The following TTC33 variants were observed in gnomAD, a reference collection of about 807,000 sequenced individuals.
TTC33 encodes the protein tetratricopeptide repeat protein 33.
Under a neutral mutation model 29.4 loss-of-function variants are expected in TTC33, and 24 were observed. The ratio of observed to expected loss-of-function variants is 0.82; its 90% confidence interval spans 0.59 to 1.15. The LOEUF is 1.15. Among genes scored for constraint, TTC33 ranks in the 50% most tolerant of loss-of-function variants. TTC33 has a pLI of 0.00. For synonymous variants in TTC33, 107 were observed against 100.3 expected (o/e 1.07, Z -0.40); for missense variants, 286 against 310.4 (o/e 0.92, Z 0.59).
chr5:40,715,979 C>T lies in TTC33; in HGVS notation c.*166G>A, dbSNP rs1318124611. 1.9e-6 allele frequency: 1 copy of T among 532,884 alleles called. No individual in the cohort carries two copies. The allele number at this position is 532,884 out of a possible 1,614,324, so 33.0% of individuals were successfully genotyped here. A position where few individuals can be genotyped will look rare whatever the true frequency, so the allele number is the denominator to read the frequency against. ...AATCATAACTTATCAAAGCATATTC[C>T]AAACACTATACAATAATCCTGCCAT... On this transcript the variant is annotated 3_prime_UTR_variant, in exon 5 of 5. Coordinates refer to ENST00000337702, the MANE Select transcript of TTC33 (RefSeq NM_012382.3).
At chr5:40,735,724 T>G (rs1333370614) in intron 2 of TTC33, among the ~76,000 whole-genome samples, 1 of 152,112 alleles carries the variant, frequency 6.6e-6, no homozygotes, top group Admixed American at 6.5e-5. Flanking sequence ...AGGACAAGCA[T>G]GATAGCATGG....
chr5:40,731,632 A>G (rs1037981208), intron 2 of TTC33, among the ~76,000 whole-genome samples: 4 of 152,222 alleles, frequency 2.6e-5, no homozygotes, highest in Non-Finnish European at 5.9e-5. Flanking sequence ...TGAGACCAGC[A>G]TGGCAGAAAC....
intron 1 of TTC33, among the ~76,000 whole-genome samples, chr5:40,752,376 A>G (rs1221161815): frequency 6.6e-6 from 1 of 152,238 alleles, no homozygotes; most frequent in Non-Finnish European, 1.5e-5. Flanking sequence ...TGTTTGGTGC[A>G]AGAGGCCTAG....
At chr5:40,730,238 A>G (rs1398066637) in intron 3 of TTC33, 24 bp downstream of exon 3, 6 of 1,558,222 alleles carry the variant, frequency 3.9e-6, no homozygotes, top group Non-Finnish European at 5.3e-6. Context: ...TCATAAGGAA[A>G]GTGAAATTCT....
intron 2 of TTC33, among the ~76,000 whole-genome samples, chr5:40,734,314 T>TGAACAGAC (rs57067284): frequency 0.3 from 45,277 of 152,038 alleles, 7,000 homozygotes; most frequent in East Asian, 0.56. Flanking sequence ...CAACTTCAGT[T>TGAACAGAC]TGGAACAGAC....
chr5:40,745,885 C>G (rs964614811), intron 2 of TTC33, among the ~76,000 whole-genome samples: 9 of 151,984 alleles, frequency 5.9e-5, no homozygotes, highest in Non-Finnish European at 8.8e-5. Flanking sequence ...CTAGTATAAG[C>G]CACTGCACCC....
At chr5:40,747,062 CTT>C (rs759166294) in intron 1 of TTC33, 43 bp from the exon 2 acceptor site, 1,894 of 1,234,046 alleles carry the variant, frequency 1.5e-3, no homozygotes, top group Admixed American at 1.8e-3. Context: ...CTAACTTGAT[CTT>C]TTTTTTTTTT....
intron 2 of TTC33, among the ~76,000 whole-genome samples, chr5:40,739,383 G>A (rs1431815694): frequency 2.6e-5 from 4 of 152,160 alleles, no homozygotes; most frequent in Admixed American, 1.3e-4. Context: ...TCCAATCTAT[G>A]AGCATTGATA....
intron 1 of TTC33, among the ~76,000 whole-genome samples, chr5:40,749,179 T>C (rs1467268582): frequency 2.6e-5 from 4 of 152,172 alleles, no homozygotes; most frequent in Non-Finnish European, 5.9e-5. Flanking sequence ...AAAGAGAGGA[T>C]AAATGATAAA....
chr5:40,720,832 C>T (rs902636489), intron 4 of TTC33, among the ~76,000 whole-genome samples: 6 of 152,312 alleles, frequency 3.9e-5, no homozygotes, highest in East Asian at 1.9e-4. Flanking sequence ...GGGAAGAACC[C>T]TGCAGCTCCA....
intron 2 of TTC33, among the ~76,000 whole-genome samples, chr5:40,735,209 A>T (rs902589106): frequency 2.0e-5 from 3 of 152,232 alleles, no homozygotes; most frequent in African/African-American, 7.2e-5. Flanking sequence ...GAATCCACAG[A>T]GTTTTTATAC....
At chr5:40,739,234 G>A (rs1362251255) in intron 2 of TTC33, among the ~76,000 whole-genome samples, 1 of 152,158 alleles carries the variant, frequency 6.6e-6, no homozygotes, top group Admixed American at 6.6e-5. Flanking sequence ...GGCTAGTCTA[G>A]ATTCTTTGCA....
intron 2 of TTC33, among the ~76,000 whole-genome samples, chr5:40,741,907 T>A (rs1742703238): frequency 6.6e-6 from 1 of 152,034 alleles, no homozygotes; most frequent in African/African-American, 2.4e-5. Flanking sequence ...GAGAACCGCT[T>A]GAGCCTGGGA....
chr5:40,730,169 G>C (rs917567154), intron 3 of TTC33, 93 bp downstream of exon 3: 2 of 912,170 alleles, frequency 2.2e-6, no homozygotes, highest in Non-Finnish European at 3.4e-6. Context: ...AAAAGAAAAT[G>C]GGAGAAAATG....
chr5:40,732,903 C>T (rs915916307), intron 2 of TTC33, among the ~76,000 whole-genome samples: 1 of 152,040 alleles, frequency 6.6e-6, no homozygotes, highest in African/African-American at 2.4e-5. Context: ...CCACCGCGCC[C>T]GGCCTAATAT....
intron 1 of TTC33, among the ~76,000 whole-genome samples, chr5:40,753,492 C>T (rs1742934220): frequency 6.6e-6 from 1 of 151,896 alleles, no homozygotes; most frequent in African/African-American, 2.4e-5. Flanking sequence ...ATAAACTGTG[C>T]TGGGGAATAA....
At chr5:40,733,557 C>T (rs1258322842) in intron 2 of TTC33, among the ~76,000 whole-genome samples, 1 of 152,106 alleles carries the variant, frequency 6.6e-6, no homozygotes, top group African/African-American at 2.4e-5. Context: ...ACTTCCAGTC[C>T]TATTTTCTGC....
chr5:40,728,623 G>A, intron 3 of TTC33, 147 bp from the exon 4 acceptor site: 5 of 659,984 alleles, frequency 7.6e-6, no homozygotes, highest in African/African-American at 1.8e-5. Context: ...TGCCATTCAG[G>A]GTAAGAAATT....
In TTC33 at chr5:40,740,589, TAAG is replaced by T. The variant is rs1393971555; in HGVS notation, c.221+6206_221+6208del. On this transcript the variant is annotated intron_variant, in intron 2 of 4. Transcript: ENST00000337702. ...CCACATTAACTGGAAGTAGCAGAAA[TAAG>T]AAGACCAGCTCATTCCCGAGGGGCA... is the stretch of plus-strand genomic sequence containing the variant. 9.2e-5 allele frequency among the ~76,000 whole-genome samples: 14 copies of T among 152,204 alleles called. 1 individual carries two copies. Among genetic ancestry groups the T allele is most frequent in the African/African-American group, 2.4e-4 (10 of 41,528 alleles).
Sources: allele counts gnomAD v4.1 joint callset (sites outside exome capture counted in the v4.1 genomes callset), GRCh38; gene constraint gnomAD v4.1.1; transcripts MANE v1.5; gene names NCBI Gene and HGNC (gene_info 2026-07-23, HGNC 2026-07-21).